ARHGEF4: variants seen among roughly 807,000 people sequenced by gnomAD.
The protein encoded by ARHGEF4 is APC-stimulated guanine nucleotide exchange factor 1.
ARHGEF4 carries 119 observed loss-of-function variants against 162.0 expected under a neutral mutation model. That is an observed-to-expected ratio of 0.73 (90% CI 0.63 to 0.86). ARHGEF4 has a LOEUF of 0.86. Ranked by LOEUF, ARHGEF4 falls within the 40% of genes least tolerant of loss-of-function variation. ARHGEF4 has a pLI of 0.00. For missense variants in ARHGEF4, 2,488 were observed against 2,456.0 expected, an observed-to-expected ratio of 1.01 and a Z score of -0.28; for synonymous variants, 1,014 against 979.9, an observed-to-expected ratio of 1.03 and a Z score of -0.65.
At chr2:130,899,338 C>A (rs1680356571) in intron 1 of ARHGEF4, among the ~76,000 whole-genome samples, 1 of 152,168 alleles carries the variant, frequency 6.6e-6, no homozygotes, top group Admixed American at 6.5e-5. Context: ...GCAATTATAA[C>A]CCAGCCTAAT....
chr2:130,962,166 G>T (rs72861480), intron 4 of ARHGEF4, among the ~76,000 whole-genome samples: 28,804 of 151,126 alleles, frequency 0.19, 2,853 homozygotes, highest in South Asian at 0.29. Flanking sequence ...TTAAACCAGC[G>T]AGTCGTAGGT....
chr2:130,887,901 A>G (rs55884611), intron 1 of ARHGEF4, among the ~76,000 whole-genome samples: 3,183 of 152,102 alleles, frequency 0.021, 98 homozygotes, highest in East Asian at 0.12. Flanking sequence ...TCTTGCTCAC[A>G]TTTCATAGAC....
At position 131,046,402 on chromosome 2, in the gene ARHGEF4, C is replaced by G. The variant is rs904938750; in HGVS notation, c.*213C>G. On this transcript the variant is annotated 3_prime_UTR_variant, in exon 14 of 14. Coordinates refer to ENST00000409359, the MANE Select transcript of ARHGEF4 (RefSeq NM_001367493.1). ...CTGAAGAGACCAGCAAGGGGGCAGA[C>G]CCCGCACTCGCCACACCGCCGCTGC... The G allele has an allele frequency of 1.7e-6, 1 of 578,988 alleles. No homozygotes were observed. The highest frequency in any genetic ancestry group is 3.0e-6 in the Non-Finnish European group (1 of 330,642). 35.9% of individuals were successfully genotyped at this position (578,988 alleles called of 1,614,324 possible).
chr2:131,040,080 A>G lies in ARHGEF4; in HGVS notation c.4370A>G (p.Glu1457Gly), dbSNP rs763784400. 6 of 1,604,690 alleles carry G rather than the reference A, an allele frequency of 3.7e-6. No individual in the cohort carries two copies. The highest frequency in any genetic ancestry group is 3.4e-5 in the Admixed American group (2 of 58,840). ...CCTCTGGCCGGGAACAGCGGAGCGG[A>G]GGACGGCGGGGCGGAGGCGCAGAGC... ...DAPLAGNSGA[E>G]DGGAEAQSSK... Residue 1457 changes from glutamate to glycine, a missense_variant, in exon 7 of 14, where the codon GAG becomes GGG. Transcript: ENST00000409359.
intron 4 of ARHGEF4, among the ~76,000 whole-genome samples, chr2:130,994,274 G>A (rs926020250): frequency 1.3e-5 from 2 of 152,152 alleles, no homozygotes; most frequent in South Asian, 4.1e-4. Flanking sequence ...CCCATATTTT[G>A]AATTGCTTTT....
intron 4 of ARHGEF4, among the ~76,000 whole-genome samples, chr2:131,004,301 G>T (rs1687972547): frequency 6.6e-6 from 1 of 152,176 alleles, no homozygotes; most frequent in South Asian, 2.1e-4. Flanking sequence ...GAGTAGCTGG[G>T]ACTACAGGCC....
chr2:130,963,247 C>T (rs922127069), intron 4 of ARHGEF4, among the ~76,000 whole-genome samples: 19 of 152,150 alleles, frequency 1.2e-4, no homozygotes, highest in African/African-American at 4.3e-4. Context: ...GTGTCCTGCC[C>T]GGGCTGTCAG....
At chr2:130,919,328 G>T (rs1236770733) in intron 2 of ARHGEF4, among the ~76,000 whole-genome samples, 4 of 152,126 alleles carry the variant, frequency 2.6e-5, no homozygotes, top group Non-Finnish European at 5.9e-5. Flanking sequence ...TGCACAAAGG[G>T]CAGGGGTATT....
At chr2:130,912,943 A>G (rs1015800849) in intron 1 of ARHGEF4, among the ~76,000 whole-genome samples, 1 of 152,156 alleles carries the variant, frequency 6.6e-6, no homozygotes, top group African/African-American at 2.4e-5. Context: ...GTTACAGTCT[A>G]TTGTTATAAT....
At chr2:130,913,670 T>C (rs1426969872) in intron 1 of ARHGEF4, among the ~76,000 whole-genome samples, 1 of 152,250 alleles carries the variant, frequency 6.6e-6, no homozygotes, top group East Asian at 1.9e-4. Flanking sequence ...GGCAGAGATA[T>C]GCTTTTCGCC....
chr2:130,865,594 C>T (rs903289490), intron 1 of ARHGEF4, among the ~76,000 whole-genome samples: 1 of 152,230 alleles, frequency 6.6e-6, no homozygotes, highest in African/African-American at 2.4e-5. Context: ...CCAAATCACA[C>T]ACTCAGGACC....
intron 1 of ARHGEF4, among the ~76,000 whole-genome samples, chr2:130,902,033 G>A (rs142215671): frequency 3.0e-4 from 45 of 152,226 alleles, no homozygotes; most frequent in Non-Finnish European, 4.0e-4. Context: ...TTCTGGACTC[G>A]GTTTCCCCTC....
intron 1 of ARHGEF4, among the ~76,000 whole-genome samples, chr2:130,912,110 G>A (rs918413955): frequency 3.9e-5 from 6 of 152,248 alleles, no homozygotes; most frequent in African/African-American, 1.2e-4. Flanking sequence ...GGCCTTAGCA[G>A]CCCTCTCAGT....
At chr2:130,922,314 C>T (rs1335404574) in intron 2 of ARHGEF4, among the ~76,000 whole-genome samples, 2 of 150,864 alleles carry the variant, frequency 1.3e-5, no homozygotes, top group Non-Finnish European at 1.5e-5. Flanking sequence ...GAGGTTGCGG[C>T]GAGCCGAGAT....
At position 131,046,355 on chromosome 2, in the gene ARHGEF4, C is replaced by T. The variant is rs140714493; in HGVS notation, c.*166C>T. On this transcript the variant is annotated 3_prime_UTR_variant, in exon 14 of 14. Coordinates refer to ENST00000409359, the MANE Select transcript of ARHGEF4 (RefSeq NM_001367493.1). ...CGTGCCAGGTCTGTACTCCTGTTGT[C>T]TTTTTCCCTGCTCCTGGTGCCCTGA... 2.8e-6 allele frequency: 2 copies of T among 709,044 alleles called. No homozygotes were observed. Among genetic ancestry groups the T allele is most frequent in the Non-Finnish European group, 4.6e-6 (2 of 436,960 alleles). The allele number at this position is 709,044 out of a possible 1,614,324, so 43.9% of individuals were successfully genotyped here.
chr2:131,027,022 C>T (rs1451474289), intron 4 of ARHGEF4, among the ~76,000 whole-genome samples: 2 of 152,180 alleles, frequency 1.3e-5, no homozygotes, highest in East Asian at 1.9e-4. Context: ...AGGAAAACAA[C>T]GTGCTCCTTA....
intron 4 of ARHGEF4, among the ~76,000 whole-genome samples, chr2:131,001,387 G>A (rs1346359775): frequency 6.6e-6 from 1 of 151,088 alleles, no homozygotes; most frequent in East Asian, 1.9e-4. Flanking sequence ...GGCATGTGAT[G>A]CAAATGGGCA....
At position 131,021,120 on chromosome 2, in the gene ARHGEF4, C is replaced by T. The variant is rs1460487440; in HGVS notation, c.3986-6825C>T. Among the ~76,000 whole-genome samples, 3 of 152,136 alleles carry T rather than the reference C, an allele frequency of 2.0e-5. No individual in the cohort carries two copies. The East Asian group carries it at 5.8e-4, about 29-fold the overall frequency. On this transcript the variant is annotated intron_variant, in intron 4 of 13. Transcript: ENST00000409359. ...CAGATAAGTAGGTTGCAAAAATGTTCTCCCATTCTGTAGGTTGCCTGTTCA... is the reference window on the plus strand; with the variant it reads ...CAGATAAGTAGGTTGCAAAAATGTTTTCCCATTCTGTAGGTTGCCTGTTCA...
At chr2:130,956,795 A>G (rs1684306553) in intron 4 of ARHGEF4, among the ~76,000 whole-genome samples, 1 of 129,252 alleles carries the variant, frequency 7.7e-6, no homozygotes, top group Admixed American at 9.0e-5. Flanking sequence ...AGGAAGGGGA[A>G]CATCACACTC....
Sources: gnomAD v4.1 joint callset for allele counts (sites outside exome capture counted in the v4.1 genomes callset) on GRCh38, gnomAD v4.1.1 for gene constraint, MANE v1.5 for transcripts, NCBI Gene and HGNC (gene_info 2026-07-23, HGNC 2026-07-21) for gene names.